Variants in TMEM108 observed in about 807,000 individuals in gnomAD.
TMEM108 encodes cancer/testis antigen 124.
TMEM108 carries 12 observed loss-of-function variants against 35.1 expected under a neutral mutation model. The observed-to-expected ratio is 0.34, with a 90% confidence interval of 0.22 to 0.55. TMEM108 has a LOEUF of 0.55. Ranked by LOEUF, TMEM108 falls within the 20% of genes least tolerant of loss-of-function variation. The probability of loss-of-function intolerance (pLI) is 0.89; values close to 1 mark genes in which losing one functional copy is unlikely to be tolerated. For synonymous variants in TMEM108, 287 were observed against 308.6 expected (o/e 0.93, Z 0.73); for missense variants, 680 against 753.3 (o/e 0.90, Z 1.14).
At chr3:133,056,720 C>A (rs1317041550) in intron 2 of TMEM108, among the ~76,000 whole-genome samples, 2 of 152,168 alleles carry the variant, frequency 1.3e-5, no homozygotes, top group Non-Finnish European at 2.9e-5. Flanking sequence ...GATACATTTT[C>A]CTCCTTCTAC....
At position 133,163,975 on chromosome 3, in the gene TMEM108, C is replaced by T. The variant is rs79985923; in HGVS notation, c.-46-65291C>T. The stretch of plus-strand genomic sequence containing the variant: ...CTGATTTTCGGTTTTCACAATATTC[C>T]GAGCTAGGATCTTGCCTATTTCTAG... On this transcript the variant is annotated intron_variant, in intron 2 of 5. Coordinates refer to ENST00000321871, the MANE Select transcript of TMEM108 (RefSeq NM_023943.4). Among the ~76,000 whole-genome samples, 1,016 of 152,234 alleles carry T rather than the reference C, an allele frequency of 6.7e-3. 7 individuals carry two copies. The highest frequency in any genetic ancestry group is 0.022 in the African/African-American group (896 of 41,528).
rs191771338 is a variant in TMEM108 at position 133,336,631 on chromosome 3, A to G, written c.41-43121A>G. On this transcript the variant is annotated intron_variant, in intron 3 of 5. Coordinates refer to ENST00000321871, the MANE Select transcript of TMEM108 (RefSeq NM_023943.4). ...CAGCACATTCTCAGGTGTGGTAGCT[A>G]TGGGGAGAGACTACTTCTGCTTGAG... Among the ~76,000 whole-genome samples the G allele has an allele frequency of 3.3e-5, 5 of 152,084 alleles. No individual in the cohort carries two copies. The South Asian group carries it at 1.0e-3, about 32-fold the overall frequency.
intron 2 of TMEM108, among the ~76,000 whole-genome samples, chr3:133,197,199 A>C (rs550123095): frequency 1.3e-5 from 2 of 152,324 alleles, no homozygotes; most frequent in Admixed American, 6.5e-5. Flanking sequence ...CCACTCTCTG[A>C]GGAATAGGAA....
intron 3 of TMEM108, among the ~76,000 whole-genome samples, chr3:133,364,382 GGT>G (rs1279249226): frequency 2.0e-5 from 3 of 152,194 alleles, no homozygotes; most frequent in Admixed American, 6.5e-5. Flanking sequence ...GTGAGAAGAA[GGT>G]GAAGCACTGA....
chr3:133,234,852 C>T (rs993150180), intron 3 of TMEM108, among the ~76,000 whole-genome samples: 3 of 152,148 alleles, frequency 2.0e-5, no homozygotes, highest in Non-Finnish European at 2.9e-5. Context: ...CTAGAAAACC[C>T]CATTGTCCTC....
At chr3:133,373,383 ATGATAGATAGAT>A (rs2072736214) in intron 3 of TMEM108, among the ~76,000 whole-genome samples, 1 of 107,110 alleles carries the variant, frequency 9.3e-6, no homozygotes, top group African/African-American at 3.9e-5. Context: ...AGATAGATAG[ATGATAGATAGAT>A]AGATAGATAG....
intron 2 of TMEM108, among the ~76,000 whole-genome samples, chr3:133,227,367 G>T (rs1368250139): frequency 4.7e-5 from 7 of 149,482 alleles, no homozygotes; most frequent in Non-Finnish European, 7.4e-5. Context: ...CTAATTTTTT[G>T]TATTTTTAGT....
chr3:133,288,424 T>C (rs1345109883), intron 3 of TMEM108, among the ~76,000 whole-genome samples: 1 of 152,246 alleles, frequency 6.6e-6, no homozygotes. Context: ...TGTTTATATG[T>C]ATTCTTTAAA....
At chr3:133,105,198 C>T (rs1020018474) in intron 2 of TMEM108, among the ~76,000 whole-genome samples, 24 of 152,148 alleles carry the variant, frequency 1.6e-4, no homozygotes, top group African/African-American at 5.1e-4. Context: ...GGCCCACTTC[C>T]GAGCTCACCA....
intron 3 of TMEM108, among the ~76,000 whole-genome samples, chr3:133,362,970 G>A (rs2072398317): frequency 6.6e-6 from 1 of 152,174 alleles, no homozygotes; most frequent in Non-Finnish European, 1.5e-5. Context: ...AGCCGGGCCA[G>A]AGGGTGTTGT....
chr3:133,115,336 G>A (rs1218910351), intron 2 of TMEM108, among the ~76,000 whole-genome samples: 2 of 152,146 alleles, frequency 1.3e-5, no homozygotes, highest in Non-Finnish European at 2.9e-5. Flanking sequence ...AATATTAATA[G>A]CAGCAGCTAA....
At chr3:133,057,433 GTGTATA>G (rs1455828264) in intron 2 of TMEM108, among the ~76,000 whole-genome samples, 307 of 24,792 alleles carry the variant, frequency 0.012, 17 homozygotes, top group African/African-American at 0.027. Context: ...GTGTGTGTGT[GTGTATA>G]TATATATATA....
At chr3:133,080,239 T>C (rs1943792630) in intron 2 of TMEM108, among the ~76,000 whole-genome samples, 1 of 152,188 alleles carries the variant, frequency 6.6e-6, no homozygotes, top group Non-Finnish European at 1.5e-5. Context: ...CGGCCCCTTC[T>C]TTTGCCATTC....
At chr3:133,308,273 G>T (rs2071072465) in intron 3 of TMEM108, among the ~76,000 whole-genome samples, 1 of 152,002 alleles carries the variant, frequency 6.6e-6, no homozygotes, top group Non-Finnish European at 1.5e-5. Context: ...AAGACGATGG[G>T]GTTTTCTAAA....
At chr3:133,329,331 G>A (rs986096619) in intron 3 of TMEM108, among the ~76,000 whole-genome samples, 7 of 152,156 alleles carry the variant, frequency 4.6e-5, no homozygotes, top group African/African-American at 7.2e-5. Context: ...GGGGAAAGAG[G>A]TTGGGGCTCT....
rs554294520 is a variant in TMEM108 at position 133,137,531 on chromosome 3, C to T, written c.-47+91511C>T. ...AAAACATCTGAAGGGGCTCACTCCA[C>T]GGTGCAGCAGCCAGCCCTACTTCAT... On this transcript the variant is annotated intron_variant, in intron 2 of 5. Transcript: ENST00000321871. 5.9e-5 allele frequency among the ~76,000 whole-genome samples: 9 copies of T among 152,318 alleles called. 1 individual carries two copies. The South Asian group carries it at 8.3e-4, about 14-fold the overall frequency.
chr3:133,110,796 T>C (rs1287280255), intron 2 of TMEM108, among the ~76,000 whole-genome samples: 1 of 152,248 alleles, frequency 6.6e-6, no homozygotes, highest in Admixed American at 6.5e-5. Context: ...CTATAGGCTT[T>C]GTTAAAGTCC....
At chr3:133,182,636 A>G (rs1945363612) in intron 2 of TMEM108, among the ~76,000 whole-genome samples, 1 of 152,248 alleles carries the variant, frequency 6.6e-6, no homozygotes, top group Non-Finnish European at 1.5e-5. Context: ...TGCTGGAAAA[A>G]CTGCTACAGC....
chr3:133,168,117 A>G (rs1945071773), intron 2 of TMEM108, among the ~76,000 whole-genome samples: 1 of 152,116 alleles, frequency 6.6e-6, no homozygotes. Flanking sequence ...GAAGGGATGT[A>G]ATGAGGCATG....
Sources: gnomAD v4.1 joint callset for allele counts (sites outside exome capture counted in the v4.1 genomes callset) on GRCh38, gnomAD v4.1.1 for gene constraint, MANE v1.5 for transcripts, NCBI Gene and HGNC (gene_info 2026-07-23, HGNC 2026-07-21) for gene names.